GPR176: variants seen among roughly 807,000 people sequenced by gnomAD.
GPR176 encodes G-protein coupled receptor 176.
Under a neutral mutation model 35.4 loss-of-function variants are expected in GPR176, and 26 were observed. The ratio of observed to expected loss-of-function variants is 0.74; its 90% confidence interval spans 0.54 to 1.02. The LOEUF is 1.02. Among genes scored for constraint, GPR176 ranks in the 50% least tolerant of loss-of-function variants. The pLI, the probability that GPR176 is intolerant of heterozygous loss-of-function variation, is 0.00. For synonymous variants in GPR176, 278 were observed against 271.3 expected, an observed-to-expected ratio of 1.02 and a Z score of -0.24; for missense variants, 597 against 665.3, an observed-to-expected ratio of 0.90 and a Z score of 1.13.
At chr15:39,904,520 C>A (rs1471325324) in intron 1 of GPR176, among the ~76,000 whole-genome samples, 2 of 152,128 alleles carry the variant, frequency 1.3e-5, no homozygotes, top group African/African-American at 4.8e-5. Flanking sequence ...GTCCTACTTA[C>A]CCAGGAAGGA....
chr15:39,873,739 C>T (rs901896844), intron 1 of GPR176, among the ~76,000 whole-genome samples: 1 of 151,840 alleles, frequency 6.6e-6, no homozygotes, highest in Non-Finnish European at 1.5e-5. Flanking sequence ...GCACCCTGCA[C>T]CTTCACCATC....
intron 1 of GPR176, among the ~76,000 whole-genome samples, chr15:39,851,850 A>C (rs1295253272): frequency 6.6e-6 from 1 of 152,208 alleles, no homozygotes; most frequent in Non-Finnish European, 1.5e-5. Flanking sequence ...TTTTGTTTAT[A>C]TAACGTCATA....
intron 1 of GPR176, among the ~76,000 whole-genome samples, chr15:39,899,260 G>A (rs2033205925): frequency 6.6e-6 from 1 of 152,168 alleles, no homozygotes; most frequent in Non-Finnish European, 1.5e-5. Context: ...TTGACTGAGA[G>A]GCATGAACCC....
intron 1 of GPR176, among the ~76,000 whole-genome samples, chr15:39,857,895 T>C (rs552031822): frequency 2.8e-5 from 4 of 141,988 alleles, no homozygotes; most frequent in African/African-American, 5.3e-5. Flanking sequence ...GGCGTGAACC[T>C]GGGAGGTGGA....
At position 39,816,135 on chromosome 15, in the gene GPR176, A is replaced by G. The variant is rs565380192; in HGVS notation, c.173-8877T>C. ...GCAGAGTGTAGAATGGGCTGCCAGT[A>G]GGACGAAGCGTTGGAGAGATACTGG... On this transcript the variant is annotated intron_variant, in intron 1 of 2. Transcript: ENST00000561100. 2.0e-5 allele frequency among the ~76,000 whole-genome samples: 3 copies of G among 152,362 alleles called. No individual in the cohort carries two copies. The South Asian group carries it at 6.2e-4, about 32-fold the overall frequency.
chr15:39,819,623 T>C lies in GPR176; in HGVS notation c.173-12365A>G, dbSNP rs2140807594. ...GCCAACACACAGTGTCAGAGCTGCT[T>C]AGAGAGATGTATTCAACAATGATAC... On this transcript the variant is annotated intron_variant, in intron 1 of 2. Transcript: ENST00000561100. 1.3e-5 allele frequency among the ~76,000 whole-genome samples: 2 copies of C among 152,316 alleles called. 1 individual carries two copies. Among genetic ancestry groups the C allele is most frequent in the South Asian group, 4.2e-4 (2 of 4,818 alleles).
intron 1 of GPR176, among the ~76,000 whole-genome samples, chr15:39,913,135 T>G (rs1156489758): frequency 6.6e-6 from 1 of 152,152 alleles, no homozygotes; most frequent in East Asian, 1.9e-4. Context: ...AAAAATAAAG[T>G]GCTAATATAT....
intron 1 of GPR176, among the ~76,000 whole-genome samples, chr15:39,900,069 A>G (rs1452323556): frequency 6.6e-6 from 1 of 152,200 alleles, no homozygotes; most frequent in Non-Finnish European, 1.5e-5. Flanking sequence ...CACCAAAAAA[A>G]TTAACAAGTT....
chr15:39,864,225 T>C (rs905918850), intron 1 of GPR176, among the ~76,000 whole-genome samples: 1 of 152,176 alleles, frequency 6.6e-6, no homozygotes, highest in African/African-American at 2.4e-5. Flanking sequence ...TCAGATGAAC[T>C]AACAAATGTT....
chr15:39,824,047 GTGCCATCCCCATGGTAATGAATGAGT>G (rs749495285), intron 1 of GPR176, among the ~76,000 whole-genome samples: 235 of 152,298 alleles, frequency 1.5e-3, no homozygotes, highest in Middle Eastern at 3.4e-3. Flanking sequence ...GAATGGCCCG[GTGCCATCCCCATGGTAATGAATGAGT>G]TCTCACTCTG....
At chr15:39,888,905 A>G (rs960791795) in intron 1 of GPR176, among the ~76,000 whole-genome samples, 23 of 152,228 alleles carry the variant, frequency 1.5e-4, no homozygotes, top group African/African-American at 5.1e-4. Flanking sequence ...GGGGACTGGA[A>G]CTCCCAGCAA....
intron 1 of GPR176, among the ~76,000 whole-genome samples, chr15:39,847,959 G>A (rs1205136314): frequency 6.6e-6 from 1 of 152,072 alleles, no homozygotes; most frequent in African/African-American, 2.4e-5. Context: ...TGATGGGGAG[G>A]CAGGCACATC....
At chr15:39,829,179 C>A in intron 1 of GPR176, 1 of 1,533,044 alleles carries the variant, frequency 6.5e-7, no homozygotes, top group South Asian at 1.2e-5. Context: ...ACTGCCTTCT[C>A]ATGAAGAGAC....
chr15:39,843,098 T>C (rs1317828090), intron 1 of GPR176, among the ~76,000 whole-genome samples: 1 of 151,690 alleles, frequency 6.6e-6, no homozygotes, highest in African/African-American at 2.4e-5. Flanking sequence ...GCATGAGTAC[T>C]GGGCAGGAGG....
intron 1 of GPR176, among the ~76,000 whole-genome samples, chr15:39,819,181 C>T (rs149491655): frequency 2.2e-4 from 34 of 152,334 alleles, no homozygotes; most frequent in East Asian, 1.3e-3. Context: ...AAACAAGCCA[C>T]GCTTGATGGA....
rs553974414 is a variant in GPR176 at position 39,819,792 on chromosome 15, G to A, written c.173-12534C>T. On this transcript the variant is annotated intron_variant, in intron 1 of 2. Coordinates refer to ENST00000561100, the MANE Select transcript of GPR176 (RefSeq NM_007223.3). ...ATATTTCCAAAGACCCCAAGGGTAC[G>A]ATAATTAGAGGACTAAGAAAGGAAA... 3.9e-5 allele frequency among the ~76,000 whole-genome samples: 6 copies of A among 152,292 alleles called. No homozygotes were observed. The South Asian group carries it at 8.3e-4, about 21-fold the overall frequency.
intron 1 of GPR176, among the ~76,000 whole-genome samples, chr15:39,830,888 G>C (rs1901031638): frequency 6.6e-6 from 1 of 152,124 alleles, no homozygotes; most frequent in Non-Finnish European, 1.5e-5. Flanking sequence ...TATAAACAGA[G>C]ACTCTCACAC....
intron 1 of GPR176, among the ~76,000 whole-genome samples, chr15:39,878,046 T>G (rs1370416524): frequency 2.0e-5 from 3 of 151,562 alleles, no homozygotes; most frequent in Non-Finnish European, 4.4e-5. Context: ...ATGTACATTA[T>G]GATTACCACA....
chr15:39,914,045 C>CA (rs1465216185), intron 1 of GPR176, among the ~76,000 whole-genome samples: 1 of 151,952 alleles, frequency 6.6e-6, no homozygotes, highest in Non-Finnish European at 1.5e-5. Context: ...GACTCAGTCT[C>CA]AAAAAACAAA....
Sources: gnomAD v4.1 joint callset for allele counts (sites outside exome capture counted in the v4.1 genomes callset) on GRCh38, gnomAD v4.1.1 for gene constraint, MANE v1.5 for transcripts, NCBI Gene and HGNC (gene_info 2026-07-23, HGNC 2026-07-21) for gene names.